The following FGD4 variants were observed in gnomAD, a reference collection of about 807,000 sequenced individuals.
FGD4 encodes the protein FYVE, RhoGEF and PH domain-containing protein 4.
In FGD4, 42 loss-of-function variants were observed where a neutral mutation model predicts 102.0. That is an observed-to-expected ratio of 0.41 (90% CI 0.32 to 0.53). The LOEUF is 0.53. Ranked by LOEUF, FGD4 falls within the 20% of genes least tolerant of loss-of-function variation. The pLI is 0.21. For missense variants in FGD4, 902 were observed against 1,078.2 expected (o/e 0.84, Z 2.29); for synonymous variants, 380 against 375.7 (o/e 1.01, Z -0.13).
rs1010636041 is a variant in FGD4, at chr12:32,506,470, G to A, written c.167-57667G>A. On this transcript the variant is annotated intron_variant, in intron 1 of 16. Coordinates refer to ENST00000534526, the MANE Select transcript of FGD4 (RefSeq NM_001370298.3). The surrounding 1 kb of genome is among the most constrained non-coding windows in gnomAD (Gnocchi z 4.5). ...TGGGGGAGGGAGGAGCCTGAGGAAC[G>A]ACTATGGTCCACTCTAGGACATATC... 6.6e-5 allele frequency among the ~76,000 whole-genome samples: 10 copies of A among 152,134 alleles called. No homozygotes were observed. The highest frequency in any genetic ancestry group is 1.7e-4 in the African/African-American group (7 of 41,426).
chr12:32,486,043 T>C, intron 1 of FGD4: 1 of 1,490,510 alleles, frequency 6.7e-7, no homozygotes, highest in Non-Finnish European at 8.9e-7. Flanking sequence ...GCCTATAGTT[T>C]CTACCAACAA....
intron 1 of FGD4, among the ~76,000 whole-genome samples, chr12:32,403,459 G>A (rs934519353): frequency 6.6e-6 from 1 of 151,996 alleles, no homozygotes; most frequent in Non-Finnish European, 1.5e-5. Context: ...CCTTATAATC[G>A]GTGCACTCCT....
chr12:32,425,051 G>A (rs1222446325), intron 1 of FGD4, among the ~76,000 whole-genome samples: 1 of 152,100 alleles, frequency 6.6e-6, no homozygotes, highest in Non-Finnish European at 1.5e-5. Context: ...AGTTTCTTTT[G>A]CTGTGCAGAA....
At chr12:32,491,535 G>A (rs899632081) in intron 1 of FGD4, among the ~76,000 whole-genome samples, 4 of 151,992 alleles carry the variant, frequency 2.6e-5, no homozygotes, top group Admixed American at 2.6e-4. Flanking sequence ...ACCTTTTTTC[G>A]TTGGTAAGGA....
intron 1 of FGD4, among the ~76,000 whole-genome samples, chr12:32,505,672 C>G (rs1201958303): frequency 6.6e-6 from 1 of 152,158 alleles, no homozygotes; most frequent in Non-Finnish European, 1.5e-5. Flanking sequence ...CATGAGGGCG[C>G]CTAGCATACC....
chr12:32,453,986 AC>A (rs1001723057), intron 1 of FGD4, among the ~76,000 whole-genome samples: 7 of 152,098 alleles, frequency 4.6e-5, no homozygotes, highest in Admixed American at 3.3e-4. Flanking sequence ...GACTCTTGCC[AC>A]CAGGGAAAGA....
At chr12:32,404,863 G>T (rs1940855743) in intron 1 of FGD4, among the ~76,000 whole-genome samples, 2 of 152,072 alleles carry the variant, frequency 1.3e-5, no homozygotes, top group Admixed American at 1.3e-4. Flanking sequence ...CTTAAAGATG[G>T]GCTCTGAAAT....
chr12:32,402,975 C>T (rs1005732289), intron 1 of FGD4, among the ~76,000 whole-genome samples: 2 of 152,082 alleles, frequency 1.3e-5, no homozygotes, highest in Admixed American at 6.6e-5. Context: ...GTTCTTCCCC[C>T]TCATCAAAAA....
chr12:32,612,743 T>C (rs1176592645), intron 10 of FGD4, among the ~76,000 whole-genome samples: 2 of 152,204 alleles, frequency 1.3e-5, no homozygotes, highest in Non-Finnish European at 2.9e-5. Context: ...TAAAAATATA[T>C]ATAAGCCTGG....
At chr12:32,565,408 G>A (rs1247982454) in intron 2 of FGD4, among the ~76,000 whole-genome samples, 8 of 152,092 alleles carry the variant, frequency 5.3e-5, no homozygotes. Flanking sequence ...CTCCCTTATA[G>A]CATTGACGTG....
intron 1 of FGD4, among the ~76,000 whole-genome samples, chr12:32,485,486 G>T (rs934899055): frequency 1.4e-5 from 2 of 141,544 alleles, no homozygotes; most frequent in Non-Finnish European, 3.0e-5. Context: ...TGTTGCCCAG[G>T]CTGGAGTGCA....
chr12:32,607,180 G>A lies in FGD4; in HGVS notation c.1405-777G>A, dbSNP rs973134818. Among the ~76,000 whole-genome samples the A allele has an allele frequency of 2.0e-5, 3 of 152,284 alleles. No individual in the cohort carries two copies. In the East Asian group the frequency reaches 5.8e-4, roughly 29 times the overall value. ...GTTATCAGCAATCTGGAATTTTCTT[G>A]CTTAAAATTCTGCTTGATTTTTTTT... On this transcript the variant is annotated intron_variant, in intron 7 of 16. Transcript: ENST00000534526.
At chr12:32,548,221 G>A (rs961165100) in intron 1 of FGD4, among the ~76,000 whole-genome samples, 1 of 152,090 alleles carries the variant, frequency 6.6e-6, no homozygotes, top group Non-Finnish European at 1.5e-5. Flanking sequence ...ACCCTGTTGC[G>A]GCATCCATGT....
intron 1 of FGD4, among the ~76,000 whole-genome samples, chr12:32,403,903 C>G (rs1291694256): frequency 6.6e-6 from 1 of 151,956 alleles, no homozygotes; most frequent in African/African-American, 2.4e-5. Context: ...CCCAATGCTC[C>G]CTTTTATGGA....
chr12:32,540,566 CTTTT>C (rs528437420), intron 1 of FGD4, among the ~76,000 whole-genome samples: 1 of 136,412 alleles, frequency 7.3e-6, no homozygotes. Flanking sequence ...TCTTTCTTTT[CTTTT>C]TTTTTTTTTT....
intron 1 of FGD4, among the ~76,000 whole-genome samples, chr12:32,473,298 A>T (rs1219368104): frequency 6.6e-6 from 1 of 151,914 alleles, no homozygotes; most frequent in Non-Finnish European, 1.5e-5. Flanking sequence ...GCTCTTTGCA[A>T]TAACTCTTGC....
At chr12:32,408,038 C>T (rs570719613) in intron 1 of FGD4, among the ~76,000 whole-genome samples, 7 of 151,444 alleles carry the variant, frequency 4.6e-5, no homozygotes, top group South Asian at 2.1e-4. Context: ...CTTGCTTTGT[C>T]GCCCAGGCTG....
intron 1 of FGD4, among the ~76,000 whole-genome samples, chr12:32,469,963 C>A (rs961581691): frequency 6.6e-6 from 1 of 151,946 alleles, no homozygotes; most frequent in South Asian, 2.1e-4. Flanking sequence ...CTGGCCTAAC[C>A]AATTTTCTAT....
intron 1 of FGD4, among the ~76,000 whole-genome samples, chr12:32,450,033 A>C (rs1417958342): frequency 6.6e-6 from 1 of 151,956 alleles, no homozygotes; most frequent in South Asian, 2.1e-4. Context: ...CCCTGGTTCA[A>C]GCGATTCTTT....
Sources: gnomAD v4.1 joint callset for allele counts (sites outside exome capture counted in the v4.1 genomes callset) on GRCh38, gnomAD v4.1.1 for gene constraint, Gnocchi (gnomAD v3.1) non-coding constraint, MANE v1.5 for transcripts, NCBI Gene and HGNC (gene_info 2026-07-23, HGNC 2026-07-21) for gene names.